The following FBXO36 variants were observed in gnomAD, a reference collection of about 807,000 sequenced individuals.
The protein encoded by FBXO36 is F-box only protein 36.
In FBXO36, 18 loss-of-function variants were observed where a neutral mutation model predicts 17.0. The ratio of observed to expected loss-of-function variants is 1.06; its 90% CI spans 0.73 to 1.57. The LOEUF is 1.57. Ranked by LOEUF, FBXO36 falls within the 40% of genes most tolerant of loss-of-function variation. The pLI, the probability that FBXO36 is intolerant of heterozygous loss-of-function variation, is 0.00. For missense variants in FBXO36, 229 were observed against 221.9 expected (o/e 1.03, Z -0.20); for synonymous variants, 83 against 85.3 (o/e 0.97, Z 0.15).
intron 2 of FBXO36, among the ~76,000 whole-genome samples, chr2:229,991,990 T>C (rs958772055): frequency 3.3e-5 from 5 of 152,208 alleles, no homozygotes; most frequent in African/African-American, 1.2e-4. Flanking sequence ...CAGAGAATGT[T>C]CAAAAGCAGT....
At chr2:229,940,921 C>G (rs922255202) in intron 1 of FBXO36, among the ~76,000 whole-genome samples, 3 of 152,120 alleles carry the variant, frequency 2.0e-5, no homozygotes, top group Non-Finnish European at 4.4e-5. Flanking sequence ...TTGTGGCCCA[C>G]CTACTTGATT....
intron 1 of FBXO36, among the ~76,000 whole-genome samples, chr2:229,934,055 T>C (rs2076952272): frequency 6.6e-6 from 1 of 151,914 alleles, no homozygotes; most frequent in Admixed American, 6.6e-5. Flanking sequence ...AAATTCTAAG[T>C]AAAACAAAAT....
chr2:229,935,317 T>C (rs544718192), intron 1 of FBXO36, among the ~76,000 whole-genome samples: 2 of 152,204 alleles, frequency 1.3e-5, no homozygotes, highest in South Asian at 2.1e-4. Flanking sequence ...TCTTGGAACA[T>C]TGACAGTTCA....
Position 229,949,538 on chromosome 2 carries a change from T to TACACACACAC in FBXO36, c.97-26685_97-26676dup, listed in dbSNP as rs56048655. ...AATTATCCCATTCATGTAAAATGTA[T>TACACACACAC]ACACACACACACACACACACACACA... On this transcript the variant is annotated intron_variant, in intron 1 of 3. Coordinates refer to ENST00000283946, the MANE Select transcript of FBXO36 (RefSeq NM_174899.5). Among the ~76,000 whole-genome samples the TACACACACAC allele has an allele frequency of 1.2e-3, 184 of 149,524 alleles. 2 individuals are homozygous for TACACACACAC. The highest frequency in any genetic ancestry group is 7.1e-3 in the East Asian group (36 of 5,088).
At chr2:230,000,354 T>C (rs1455881048) in intron 3 of FBXO36, among the ~76,000 whole-genome samples, 2 of 51,290 alleles carry the variant, frequency 3.9e-5, no homozygotes, top group Non-Finnish European at 6.5e-5. Context: ...TGAGACTGTC[T>C]CAAAAAAAAA....
chr2:229,998,877 A>G (rs1178013840), intron 3 of FBXO36, among the ~76,000 whole-genome samples: 1 of 142,326 alleles, frequency 7.0e-6, no homozygotes, highest in Non-Finnish European at 1.5e-5. Flanking sequence ...ATCTCGGCTT[A>G]CTACAAGCTC....
At chr2:229,968,559 C>T (rs914666821) in intron 1 of FBXO36, among the ~76,000 whole-genome samples, 4 of 152,110 alleles carry the variant, frequency 2.6e-5, no homozygotes, top group Admixed American at 1.3e-4. Flanking sequence ...CCTTGACCTT[C>T]GGGCTTCAAG....
chr2:229,971,991 CTTTT>C (rs918029152), intron 1 of FBXO36, among the ~76,000 whole-genome samples: 2 of 104,042 alleles, frequency 1.9e-5, no homozygotes, highest in Non-Finnish European at 4.0e-5. Context: ...GTATCCAATT[CTTTT>C]TTTTTTTTTT....
intron 3 of FBXO36, 84 bp from the exon 4 acceptor site, chr2:230,010,612 T>A (rs1264926343): frequency 3.9e-6 from 5 of 1,279,936 alleles, no homozygotes; most frequent in Non-Finnish European, 5.3e-6. Context: ...GTAGTGTTTC[T>A]CCAGTGTCCC....
intron 1 of FBXO36, among the ~76,000 whole-genome samples, chr2:229,937,126 T>C (rs959694274): frequency 9.9e-5 from 15 of 152,128 alleles, no homozygotes; most frequent in African/African-American, 3.6e-4. Context: ...AAACTTCGAT[T>C]TCAGCGATTT....
chr2:229,958,730 C>T (rs950695048), intron 1 of FBXO36, among the ~76,000 whole-genome samples: 5 of 152,282 alleles, frequency 3.3e-5, no homozygotes, highest in African/African-American at 1.2e-4. Flanking sequence ...TGTCCCGCTG[C>T]AAGAGTGGAT....
chr2:229,941,702 A>G (rs1353986963), intron 1 of FBXO36, among the ~76,000 whole-genome samples: 1 of 151,982 alleles, frequency 6.6e-6, no homozygotes, highest in Non-Finnish European at 1.5e-5. Context: ...TCCACAATTA[A>G]TCTCACCTTT....
intron 1 of FBXO36, among the ~76,000 whole-genome samples, chr2:229,931,920 AT>A (rs386392870): frequency 1.4e-4 from 21 of 147,128 alleles, no homozygotes; most frequent in African/African-American, 3.6e-4. Flanking sequence ...ATGTGTATAT[AT>A]TTTTTTTTTT....
intron 1 of FBXO36, among the ~76,000 whole-genome samples, chr2:229,944,711 G>T (rs914289294): frequency 6.7e-6 from 1 of 150,254 alleles, no homozygotes; most frequent in African/African-American, 2.5e-5. Flanking sequence ...TCCTGCTTCA[G>T]CCTCCCGAGT....
chr2:229,925,164 G>T (rs1054522263), intron 1 of FBXO36, among the ~76,000 whole-genome samples: 2 of 149,392 alleles, frequency 1.3e-5, no homozygotes, highest in Non-Finnish European at 3.0e-5. Context: ...TTTATCTCAG[G>T]TTCTGTCAGT....
intron 2 of FBXO36, among the ~76,000 whole-genome samples, chr2:229,985,171 G>A (rs2077261891): frequency 6.6e-6 from 1 of 152,122 alleles, no homozygotes; most frequent in African/African-American, 2.4e-5. Context: ...AGAATTTTAA[G>A]TTGTGTGATT....
chr2:230,002,036 C>A (rs2077361904), intron 3 of FBXO36, among the ~76,000 whole-genome samples: 1 of 152,080 alleles, frequency 6.6e-6, no homozygotes, highest in Non-Finnish European at 1.5e-5. Flanking sequence ...CGGGGTTTTA[C>A]CACGTTGGCC....
At chr2:229,941,593 G>A (rs1464004339) in intron 1 of FBXO36, among the ~76,000 whole-genome samples, 1 of 151,618 alleles carries the variant, frequency 6.6e-6, no homozygotes, top group Non-Finnish European at 1.5e-5. Flanking sequence ...CTGCTGGCCA[G>A]GAGAGGCGAA....
At chr2:229,974,210 A>AT (rs1214604804) in intron 1 of FBXO36, among the ~76,000 whole-genome samples, 3 of 152,218 alleles carry the variant, frequency 2.0e-5, no homozygotes, top group Non-Finnish European at 4.4e-5. Flanking sequence ...AAGGTTATAC[A>AT]TAAAAAAAAG....
Sources: allele counts gnomAD v4.1 joint callset (sites outside exome capture counted in the v4.1 genomes callset), GRCh38; gene constraint gnomAD v4.1.1; transcripts MANE v1.5; gene names NCBI Gene and HGNC (gene_info 2026-07-23, HGNC 2026-07-21).